The following ERBB4 variants were observed in gnomAD, a reference collection of about 807,000 sequenced individuals.
The protein encoded by ERBB4 is erb-b2 receptor tyrosine kinase 4.
In ERBB4, 42 loss-of-function variants were observed where a neutral mutation model predicts 158.0. The observed-to-expected ratio is 0.27, with a 90% confidence interval of 0.21 to 0.34. The LOEUF (loss-of-function observed/expected upper bound fraction) is 0.34, where lower values mean the gene tolerates loss of function less well. ERBB4 is among the 10% of genes least tolerant of loss of function. ERBB4 has a pLI of 1.00. For missense variants in ERBB4, 1,333 were observed against 1,624.1 expected (o/e 0.82, Z 3.08); for synonymous variants, 583 against 558.7 (o/e 1.04, Z -0.61).
intron 1 of ERBB4, among the ~76,000 whole-genome samples, chr2:212,303,409 A>C (rs1420093034): frequency 1.7e-5 from 2 of 118,462 alleles, no homozygotes; most frequent in Admixed American, 1.8e-4. Flanking sequence ...ATTACTTTCT[A>C]ACAGACTTAA....
chr2:211,385,351 G>C (rs1177842608), intron 27 of ERBB4, among the ~76,000 whole-genome samples: 1 of 152,066 alleles, frequency 6.6e-6, no homozygotes, highest in Non-Finnish European at 1.5e-5. Context: ...AGAAAAATGA[G>C]ATTAAATGAT....
intron 20 of ERBB4, among the ~76,000 whole-genome samples, chr2:211,500,696 G>A (rs2065593818): frequency 6.6e-6 from 1 of 151,980 alleles, no homozygotes; most frequent in Admixed American, 6.5e-5. Flanking sequence ...TATTCTATAT[G>A]TAAGTTATAG....
intron 1 of ERBB4, among the ~76,000 whole-genome samples, chr2:212,380,028 A>C (rs564000747): frequency 6.6e-6 from 1 of 151,666 alleles, no homozygotes; most frequent in African/African-American, 2.4e-5. Flanking sequence ...AGTAGGGCTA[A>C]GGACAGTAAG....
intron 1 of ERBB4, among the ~76,000 whole-genome samples, chr2:212,134,922 G>A (rs572320086): frequency 2.6e-5 from 4 of 152,010 alleles, no homozygotes; most frequent in Admixed American, 6.6e-5. Flanking sequence ...TCCTGACCTC[G>A]TGATCCGCCT....
chr2:212,446,609 ATATATATATATATAT>A lies in ERBB4; in HGVS notation c.82+91825_82+91839del, dbSNP rs2092359284. ...TATATATGTATATATATATATATAT[ATATATATATATATAT>A]ATATATATATATATCCTATTAGTTC... is the stretch of plus-strand genomic sequence containing the variant. On this transcript the variant is annotated intron_variant, in intron 1 of 27. Coordinates refer to ENST00000342788, the MANE Select transcript of ERBB4 (RefSeq NM_005235.3). Among the ~76,000 whole-genome samples, 4 of 45,520 alleles carry A rather than the reference ATATATATATATATAT, an allele frequency of 8.8e-5. 1 individual carries two copies. The highest frequency in any genetic ancestry group is 2.7e-4 in the African/African-American group (4 of 14,950). 29.9% of individuals were successfully genotyped at this position (45,520 alleles called of 152,430 possible). A position where few individuals can be genotyped will look rare whatever the true frequency, so the allele number is the denominator to read the frequency against.
intron 2 of ERBB4, among the ~76,000 whole-genome samples, chr2:211,986,762 A>G (rs918218013): frequency 2.6e-5 from 4 of 152,150 alleles, no homozygotes; most frequent in Non-Finnish European, 5.9e-5. Flanking sequence ...TGCATGGCAT[A>G]CGGTGAAGGT....
At chr2:212,189,532 C>G (rs1031174091) in intron 1 of ERBB4, among the ~76,000 whole-genome samples, 1 of 152,142 alleles carries the variant, frequency 6.6e-6, no homozygotes, top group South Asian at 2.1e-4. Context: ...TTTTCAAATT[C>G]TTTCAAGGCT....
chr2:211,727,265 A>G (rs1403931839), intron 5 of ERBB4, among the ~76,000 whole-genome samples: 1 of 152,190 alleles, frequency 6.6e-6, no homozygotes, highest in African/African-American at 2.4e-5. Context: ...ATACAGGTAT[A>G]AAGTGCTTTA....
chr2:211,668,741 G>T (rs987047449), intron 14 of ERBB4, among the ~76,000 whole-genome samples: 2 of 152,054 alleles, frequency 1.3e-5, no homozygotes. Context: ...GGCTTAATTT[G>T]CACAATGGAA....
At chr2:212,106,385 C>T (rs139548054) in intron 2 of ERBB4, among the ~76,000 whole-genome samples, 3,420 of 152,268 alleles carry the variant, frequency 0.022, 132 homozygotes, top group African/African-American at 0.078. Context: ...CCTAGAGATT[C>T]GTGGAACTTT....
chr2:211,828,824 C>A (rs1246080034), intron 3 of ERBB4, among the ~76,000 whole-genome samples: 1 of 152,082 alleles, frequency 6.6e-6, no homozygotes, highest in Non-Finnish European at 1.5e-5. Flanking sequence ...CTCACTCCAC[C>A]TTTTCCTTCC....
At chr2:211,861,092 A>ATTT (rs2078018928) in intron 3 of ERBB4, among the ~76,000 whole-genome samples, 25 of 57,366 alleles carry the variant, frequency 4.4e-4, no homozygotes, top group Non-Finnish European at 6.2e-4. Context: ...TATAAAATAT[A>ATTT]TAAATACATT....
chr2:212,220,673 G>A (rs2083264281), intron 1 of ERBB4, among the ~76,000 whole-genome samples: 1 of 151,288 alleles, frequency 6.6e-6, no homozygotes, highest in Non-Finnish European at 1.5e-5. Flanking sequence ...ATTTTTCTCT[G>A]GCTGGAAGGT....
At chr2:212,446,790 A>G (rs1163883404) in intron 1 of ERBB4, among the ~76,000 whole-genome samples, 1 of 149,958 alleles carries the variant, frequency 6.7e-6, no homozygotes, top group Non-Finnish European at 1.5e-5. Flanking sequence ...AATTTTACCA[A>G]TGGATGAAAT....
At chr2:212,100,328 T>A (rs2079048267) in intron 2 of ERBB4, among the ~76,000 whole-genome samples, 1 of 152,178 alleles carries the variant, frequency 6.6e-6, no homozygotes, top group East Asian at 1.9e-4. Context: ...CAGATTTCCA[T>A]CCCAAGATCT....
At chr2:211,692,064 C>T (rs2072843544) in intron 12 of ERBB4, among the ~76,000 whole-genome samples, 2 of 152,060 alleles carry the variant, frequency 1.3e-5, no homozygotes, top group South Asian at 2.1e-4. Flanking sequence ...GAGATAATAG[C>T]GATAATAGAG....
intron 20 of ERBB4, among the ~76,000 whole-genome samples, chr2:211,512,863 G>A (rs1048043434): frequency 2.0e-5 from 3 of 152,084 alleles, no homozygotes; most frequent in Non-Finnish European, 4.4e-5. Flanking sequence ...CCTTCTAGGT[G>A]TCCATTGCCA....
intron 3 of ERBB4, among the ~76,000 whole-genome samples, chr2:211,814,710 C>T (rs1255721800): frequency 6.6e-6 from 1 of 151,952 alleles, no homozygotes; most frequent in African/African-American, 2.4e-5. Context: ...CAGGTAGAAA[C>T]TCACTTATCT....
At chr2:212,448,492 C>G (rs1459503694) in intron 1 of ERBB4, among the ~76,000 whole-genome samples, 1 of 152,134 alleles carries the variant, frequency 6.6e-6, no homozygotes, top group Non-Finnish European at 1.5e-5. Context: ...ATAATCATCC[C>G]TCAGTTGATC....
Sources: gnomAD v4.1 joint callset for allele counts (sites outside exome capture counted in the v4.1 genomes callset) on GRCh38, gnomAD v4.1.1 for gene constraint, MANE v1.5 for transcripts, NCBI Gene and HGNC (gene_info 2026-07-23, HGNC 2026-07-21) for gene names.